Variants in ITGAL observed in about 807,000 individuals in gnomAD.
The protein encoded by ITGAL is integrin alpha-L.
A neutral mutation model predicts 138.4 loss-of-function variants in ITGAL; 68 were observed. That is an observed-to-expected ratio of 0.49 (90% CI 0.40 to 0.60). ITGAL has a LOEUF of 0.60. Ranked by LOEUF, ITGAL falls within the 20% of genes least tolerant of loss-of-function variation. The pLI, the probability that ITGAL is intolerant of heterozygous loss-of-function variation, is 0.00. For missense variants in ITGAL, 1,256 were observed against 1,478.6 expected (o/e 0.85, Z 2.47); for synonymous variants, 561 against 584.3 (o/e 0.96, Z 0.57).
At chr16:30,481,344 C>T (rs2050557100) in intron 6 of ITGAL, 95 bp from the exon 7 acceptor site, 1 of 724,838 alleles carries the variant, frequency 1.4e-6, no homozygotes, top group Non-Finnish European at 1.9e-6. Flanking sequence ...GAAACTCCAT[C>T]TAAAAAAAAA....
intron 21 of ITGAL, 120 bp downstream of exon 21, chr16:30,506,976 T>G: frequency 8.3e-6 from 9 of 1,090,164 alleles, no homozygotes; most frequent in Non-Finnish European, 1.2e-5. Flanking sequence ...GACAGGGGTC[T>G]TAGGGTCATA....
At position 30,494,376 on chromosome 16, in the gene ITGAL, C is replaced by T. The variant is rs185749738; in HGVS notation, c.1365+13C>T. On this transcript the variant is annotated intron_variant, in intron 12 of 30. Transcript: ENST00000356798. This position sits in a 1 kb window ranked among gnomAD's most constrained non-coding sequence, Gnocchi z 4.2. Reference sequence around the variant, plus strand: ...CCATGGGACCCAGGTGCGCCCAGTCCGAGGGCATCTGCAGACCAGGGACTG... The same window carrying T: ...CCATGGGACCCAGGTGCGCCCAGTCTGAGGGCATCTGCAGACCAGGGACTG... 1.4e-4 allele frequency: 223 copies of T among 1,589,930 alleles called. No individual in the cohort carries two copies. The highest frequency in any genetic ancestry group is 1.6e-4 in the African/African-American group (12 of 74,516).
chr16:30,510,283 A>C, intron 21 of ITGAL, 78 bp from the exon 22 acceptor site: 1 of 806,146 alleles, frequency 1.2e-6, no homozygotes, highest in African/African-American at 1.7e-5. Flanking sequence ...TGGGGGAGGT[A>C]GGCCAGGAGG....
At chr16:30,518,035 G>T in intron 28 of ITGAL, 140 bp downstream of exon 28, 1 of 685,042 alleles carries the variant, frequency 1.5e-6, no homozygotes, top group Non-Finnish European at 2.6e-6. Flanking sequence ...ACAGTCACAG[G>T]TGAAAGAGAA....
At chr16:30,506,222 T>C (rs541827862) in intron 20 of ITGAL, among the ~76,000 whole-genome samples, 300 of 139,836 alleles carry the variant, frequency 2.1e-3, no homozygotes, top group African/African-American at 7.6e-3. Context: ...ACTGTGCCAT[T>C]GCACTCCAGT....
At chr16:30,490,873 G>A (rs1305002117) in intron 11 of ITGAL, among the ~76,000 whole-genome samples, 1 of 151,954 alleles carries the variant, frequency 6.6e-6, no homozygotes, top group Non-Finnish European at 1.5e-5. Flanking sequence ...GGGAGGCTGA[G>A]GCAGGAGAAT....
In ITGAL at chr16:30,475,496, C is replaced by T; in HGVS notation, c.260-17C>T. 6.2e-7 allele frequency: 1 copy of T among 1,612,368 alleles called. No homozygotes were observed. The highest frequency in any genetic ancestry group is 8.5e-7 in the Non-Finnish European group (1 of 1,178,416). On this transcript the variant is annotated splice_polypyrimidine_tract_variant and intron_variant, in intron 3 of 30. Transcript: ENST00000356798. ...GACTGCCTGAGCTCCTCCAGACCAA[C>T]CTTCTGGTGCCTACAGGTTCCAACT...
At chr16:30,502,671 C>A (rs2050921704) in intron 17 of ITGAL, among the ~76,000 whole-genome samples, 1 of 151,590 alleles carries the variant, frequency 6.6e-6, no homozygotes, top group Non-Finnish European at 1.5e-5. Context: ...TCATTTGAAC[C>A]CAGGAGGCGG....
chr16:30,510,778 G>A (rs2151171100), intron 22 of ITGAL, 103 bp from the exon 23 acceptor site: 1 of 929,736 alleles, frequency 1.1e-6, no homozygotes. Context: ...GGTGCAGTGA[G>A]CACTTGATAA....
At chr16:30,512,731 C>T (rs553060232) in intron 24 of ITGAL, among the ~76,000 whole-genome samples, 125 of 152,102 alleles carry the variant, frequency 8.2e-4, no homozygotes, top group South Asian at 2.5e-3. Context: ...GACAGAGTCT[C>T]GCTCTGTTGC....
At chr16:30,520,686 T>C (rs1369521577) in intron 30 of ITGAL, among the ~76,000 whole-genome samples, 1 of 152,180 alleles carries the variant, frequency 6.6e-6, no homozygotes, top group African/African-American at 2.4e-5. Flanking sequence ...AAAGGGCCTG[T>C]GTGGCCTGGG....
intron 15 of ITGAL, among the ~76,000 whole-genome samples, chr16:30,498,443 G>T (rs2050836583): frequency 6.6e-6 from 1 of 151,350 alleles, no homozygotes; most frequent in Non-Finnish European, 1.5e-5. Context: ...AACAAAAGCT[G>T]CAACTTTATT....
At chr16:30,513,482 C>G (rs923893880) in intron 24 of ITGAL, among the ~76,000 whole-genome samples, 1 of 152,018 alleles carries the variant, frequency 6.6e-6, no homozygotes, top group African/African-American at 2.4e-5. Flanking sequence ...TGAGCAGGGC[C>G]CAGAGGACAG....
chr16:30,474,386 C>T (rs1597058408), intron 2 of ITGAL, 88 bp downstream of exon 2: 1 of 898,698 alleles, frequency 1.1e-6, no homozygotes, highest in Non-Finnish European at 1.8e-6. Flanking sequence ...CTCGCCTGGG[C>T]TAGTCGGTGG....
Position 30,489,173 on chromosome 16 carries a change from G to A in ITGAL, c.1080+18G>A. The A allele has an allele frequency of 6.2e-7, 1 of 1,613,958 alleles. No individual in the cohort carries two copies. The highest frequency in any genetic ancestry group is 8.5e-7 in the Non-Finnish European group (1 of 1,179,908). On this transcript the variant is annotated intron_variant, in intron 10 of 30. Coordinates refer to ENST00000356798, the MANE Select transcript of ITGAL (RefSeq NM_002209.3). ...TCAGCAGGGTGCGTGCTGGGCTGGA[G>A]CAATGGGCTGCAGGGAGTGCAGTTG...
chr16:30,493,849 G>A lies in ITGAL; in HGVS notation c.1214-363G>A, dbSNP rs113468876. On this transcript the variant is annotated intron_variant, in intron 11 of 30. Transcript: ENST00000356798. ...GGAGGTTGCAGTGAGCTGAGATCAC[G>A]CCATTGCATTCCAGCCTGGGCAAGA... 6.6e-5 allele frequency among the ~76,000 whole-genome samples: 10 copies of A among 152,244 alleles called. No individual in the cohort carries two copies. The East Asian group carries it at 1.4e-3, about 21-fold the overall frequency.
At chr16:30,507,003 C>A in intron 21 of ITGAL, 147 bp downstream of exon 21, 1 of 838,510 alleles carries the variant, frequency 1.2e-6, no homozygotes, top group Admixed American at 2.5e-5. Context: ...TTCCCAGCCT[C>A]GAGCTGTATG....
chr16:30,476,141 C>T (rs529230381), intron 4 of ITGAL, among the ~76,000 whole-genome samples: 13 of 152,000 alleles, frequency 8.6e-5, no homozygotes, highest in South Asian at 2.1e-4. Context: ...GTCCCAGCTA[C>T]GCAGGAGGCT....
At chr16:30,512,614 C>G (rs1177544830) in intron 24 of ITGAL, among the ~76,000 whole-genome samples, 2 of 150,762 alleles carry the variant, frequency 1.3e-5, no homozygotes, top group South Asian at 4.2e-4. Context: ...AACTCAAAAT[C>G]GAGTGGCTTT....
Sources: allele counts gnomAD v4.1 joint callset (sites outside exome capture counted in the v4.1 genomes callset), GRCh38; gene constraint gnomAD v4.1.1; non-coding constraint Gnocchi (gnomAD v3.1); transcripts MANE v1.5; gene names NCBI Gene and HGNC (gene_info 2026-07-23, HGNC 2026-07-21).